Variants in NFASC observed in about 807,000 individuals in gnomAD.
NFASC encodes the protein neurofascin homolog.
Under a neutral mutation model 147.5 loss-of-function variants are expected in NFASC, and 43 were observed. That is an observed-to-expected ratio of 0.29 (90% CI 0.23 to 0.38). The LOEUF is 0.38. Among genes scored for constraint, NFASC ranks in the 10% least tolerant of loss-of-function variants. NFASC has a pLI of 1.00. For missense variants in NFASC, 1,320 were observed against 1,689.0 expected (o/e 0.78, Z 3.83); for synonymous variants, 622 against 665.5 (o/e 0.93, Z 1.01).
chr1:204,839,491 G>T (rs1251068645), intron 1 of NFASC, among the ~76,000 whole-genome samples: 1 of 152,148 alleles, frequency 6.6e-6, no homozygotes, highest in East Asian at 1.9e-4. Context: ...TGCTGGAGGG[G>T]CCAGATTACA....
intron 1 of NFASC, among the ~76,000 whole-genome samples, chr1:204,895,541 A>G (rs1362177997): frequency 1.3e-5 from 2 of 152,172 alleles, no homozygotes. Context: ...ATTTTTGCTG[A>G]TGACCATGTA....
rs1207115979 is a variant in NFASC at position 205,016,052 on chromosome 1, A to G, written c.3492-256A>G. The stretch of plus-strand genomic sequence containing the variant: ...GGACCCAATCTCATGGAAAAGACCC[A>G]GAACAGGAGCCCAAAAGCATGGGCT... On this transcript the variant is annotated intron_variant, in intron 29 of 29. Transcript: ENST00000339876. The surrounding 1 kb of genome is among the most constrained non-coding windows in gnomAD (Gnocchi z 5.1). Among the ~76,000 whole-genome samples the G allele has an allele frequency of 6.6e-6, 1 of 152,224 alleles. No individual in the cohort carries two copies. Among genetic ancestry groups the G allele is most frequent in the Non-Finnish European group, 1.5e-5 (1 of 68,044 alleles).
intron 1 of NFASC, among the ~76,000 whole-genome samples, chr1:204,913,244 A>G (rs890996574): frequency 6.6e-6 from 1 of 152,202 alleles, no homozygotes; most frequent in Admixed American, 6.5e-5. Context: ...ACATTCTTAG[A>G]GTCAACATCA....
intron 29 of NFASC, among the ~76,000 whole-genome samples, chr1:205,014,875 G>T (rs1374083927): frequency 6.6e-6 from 1 of 152,178 alleles, no homozygotes; most frequent in African/African-American, 2.4e-5. Flanking sequence ...ACCTGCAAGT[G>T]GGGTGAGGAG....
At chr1:204,847,046 C>T (rs150892126) in intron 1 of NFASC, among the ~76,000 whole-genome samples, 63 of 151,858 alleles carry the variant, frequency 4.1e-4, no homozygotes, top group African/African-American at 1.5e-3. Context: ...TTTCTGTCTC[C>T]ACTGGGGGCC....
At chr1:204,863,684 A>T (rs977007755) in intron 1 of NFASC, among the ~76,000 whole-genome samples, 1 of 152,050 alleles carries the variant, frequency 6.6e-6, no homozygotes, top group African/African-American at 2.4e-5. Context: ...CCCCGTCTCT[A>T]CTAAAAATAC....
chr1:204,928,833 G>A (rs940092905), intron 2 of NFASC, among the ~76,000 whole-genome samples: 1 of 152,108 alleles, frequency 6.6e-6, no homozygotes, highest in African/African-American at 2.4e-5. Flanking sequence ...CAGGCTTTTT[G>A]TGGGGCTCTG....
At chr1:204,866,309 G>T (rs192906794) in intron 1 of NFASC, among the ~76,000 whole-genome samples, 1 of 152,278 alleles carries the variant, frequency 6.6e-6, no homozygotes, top group African/African-American at 2.4e-5. Flanking sequence ...GATGATCAAG[G>T]GATGCTAAAG....
rs1391793314 is a variant in NFASC at position 204,968,838 on chromosome 1, C to T, written c.859C>T (p.Leu287Phe). 6 of 1,613,714 alleles carry T rather than the reference C, an allele frequency of 3.7e-6. No individual in the cohort carries two copies. Among genetic ancestry groups the T allele is most frequent in the Non-Finnish European group, 5.1e-6 (6 of 1,180,012 alleles). ...CGCATGGTACAAGAAAGGTGGGGACCTCCCATCTGATAAGGCCAAGTTTGA... is the reference window on the plus strand; with the variant it reads ...CGCATGGTACAAGAAAGGTGGGGACTTCCCATCTGATAAGGCCAAGTTTGA... ...DIAWYKKGGD[L>F]PSDKAKFENF... Residue 287 changes from leucine (L) to phenylalanine (F), a missense_variant, in exon 10 of 30, where the codon CTC becomes TTC. Around this residue, in one of 3 missense-constraint regions of NFASC, gnomAD observed 981 missense variants for 1,289.5 expected, o/e 0.76. Coordinates refer to ENST00000339876, the MANE Select transcript of NFASC (RefSeq NM_001005388.3). The surrounding 1 kb of genome is among the most constrained non-coding windows in gnomAD (Gnocchi z 5.4).
chr1:204,897,717 G>T (rs982298562), intron 1 of NFASC, among the ~76,000 whole-genome samples: 1 of 151,226 alleles, frequency 6.6e-6, no homozygotes, highest in African/African-American at 2.4e-5. Context: ...GGGACTACAG[G>T]TGTGTGCCAC....
At chr1:204,984,390 T>TATATATATATATACGC (rs2095571679) in intron 21 of NFASC, 1 of 145,702 alleles carries the variant, frequency 6.9e-6, no homozygotes, top group African/African-American at 2.6e-5. Context: ...CGCATATATA[T>TATATATATATATACGC]ATATATATAT....
chr1:204,879,207 C>T (rs547708512), intron 1 of NFASC, among the ~76,000 whole-genome samples: 3 of 152,276 alleles, frequency 2.0e-5, no homozygotes, highest in East Asian at 3.9e-4. Flanking sequence ...GCTTTGAATG[C>T]AACTATGACA....
chr1:204,842,036 G>A (rs1675512094), intron 1 of NFASC, among the ~76,000 whole-genome samples: 1 of 152,178 alleles, frequency 6.6e-6, no homozygotes, highest in African/African-American at 2.4e-5. Context: ...ATCTATACCT[G>A]GAGTAGATCT....
chr1:204,999,824 A>G (rs1013792761), intron 25 of NFASC: 2 of 152,242 alleles, frequency 1.3e-5, no homozygotes, highest in Non-Finnish European at 2.9e-5. Context: ...TGCATCGCCA[A>G]TGCACTCTAT....
rs747406420 is a variant in NFASC, at chr1:204,957,661, G to A, written c.541G>A (p.Glu181Lys). The part of the protein sequence containing the change: ...PVIFWMSSSM[E>K]PITQDKRVSQ... The stretch of plus-strand genomic sequence containing the variant: ...GTACCTCTGCTTTCTTATAGCCATG[G>A]AGCCCATCACCCAAGACAAACGTGT... Residue 181 changes from glutamate to lysine, a missense_variant, in exon 8 of 30, where the codon GAG becomes AAG. By Grantham distance (56) the Glu-to-Lys change is moderately conservative. Around this residue, in one of 3 missense-constraint regions of NFASC, gnomAD observed 981 missense variants for 1,289.5 expected, o/e 0.76. Coordinates refer to ENST00000339876, the MANE Select transcript of NFASC (RefSeq NM_001005388.3). 2 of 1,614,002 alleles carry A rather than the reference G, an allele frequency of 1.2e-6. No individual in the cohort carries two copies. The highest frequency in any genetic ancestry group is 2.2e-5 in the South Asian group (2 of 91,064).
chr1:204,892,917 G>A (rs1488427613), intron 1 of NFASC, among the ~76,000 whole-genome samples: 1 of 152,224 alleles, frequency 6.6e-6, no homozygotes, highest in Non-Finnish European at 1.5e-5. Context: ...AAGGAAGTCT[G>A]TATCATCCAT....
At chr1:204,859,014 G>A (rs1237897978) in intron 1 of NFASC, among the ~76,000 whole-genome samples, 2 of 142,440 alleles carry the variant, frequency 1.4e-5, no homozygotes, top group African/African-American at 5.4e-5. Context: ...GTCTTGCTCT[G>A]TCGCCCAGGC....
intron 8 of NFASC, among the ~76,000 whole-genome samples, chr1:204,967,652 T>C (rs2095037064): frequency 6.6e-6 from 1 of 152,144 alleles, no homozygotes; most frequent in Non-Finnish European, 1.5e-5. Flanking sequence ...AGAATGGTCT[T>C]GGCCCCGGAG....
chr1:204,863,741 G>A (rs1272589909), intron 1 of NFASC, among the ~76,000 whole-genome samples: 3 of 151,652 alleles, frequency 2.0e-5, no homozygotes, highest in Admixed American at 2.0e-4. Context: ...CCCACTACTC[G>A]GGAGCCTGAG....
Sources: allele counts gnomAD v4.1 joint callset (sites outside exome capture counted in the v4.1 genomes callset), GRCh38; gene constraint gnomAD v4.1.1; regional missense constraint gnomAD v4.1.1; non-coding constraint Gnocchi (gnomAD v3.1); transcripts MANE v1.5; gene names NCBI Gene and HGNC (gene_info 2026-07-23, HGNC 2026-07-21).